Variants in LRRC49 observed in about 807,000 individuals in gnomAD.
The protein encoded by LRRC49 is leucine-rich repeat-containing protein 49.
A neutral mutation model predicts 83.3 loss-of-function variants in LRRC49; 50 were observed. That is an observed-to-expected ratio of 0.60 (90% CI 0.48 to 0.76). LRRC49 has a LOEUF of 0.76. Among genes scored for constraint, LRRC49 ranks in the 30% least tolerant of loss-of-function variants. The pLI, the probability that LRRC49 is intolerant of heterozygous loss-of-function variation, is 0.00. For synonymous variants in LRRC49, 286 were observed against 283.3 expected (o/e 1.01, Z -0.10); for missense variants, 704 against 809.1 (o/e 0.87, Z 1.58).
intron 11 of LRRC49, among the ~76,000 whole-genome samples, chr15:70,989,192 G>A (rs1005314294): frequency 5.8e-4 from 88 of 152,196 alleles, no homozygotes; most frequent in African/African-American, 2.0e-3. Context: ...CTGCCTTGCT[G>A]GATTGGGAAA....
intron 1 of LRRC49, among the ~76,000 whole-genome samples, chr15:70,871,059 T>C (rs1329098257): frequency 1.3e-5 from 2 of 151,794 alleles, no homozygotes; most frequent in East Asian, 3.9e-4. Context: ...GATAAACATG[T>C]GAACAAGGGT....
chr15:70,912,316 T>C (rs1198876700), intron 6 of LRRC49, among the ~76,000 whole-genome samples: 1 of 152,178 alleles, frequency 6.6e-6, no homozygotes, highest in Non-Finnish European at 1.5e-5. Flanking sequence ...CTAAGAACTT[T>C]CTTGTACAAG....
chr15:70,875,697 T>C (rs776660244), intron 2 of LRRC49, among the ~76,000 whole-genome samples: 1 of 152,224 alleles, frequency 6.6e-6, no homozygotes, highest in African/African-American at 2.4e-5. Context: ...ATGTTGTAGG[T>C]ACTAAAATCA....
upstream of LRRC49, among the ~76,000 whole-genome samples, chr15:70,890,236 ATC>A (rs2033517437): frequency 6.6e-6 from 1 of 152,132 alleles, no homozygotes; most frequent in Non-Finnish European, 1.5e-5. Context: ...TTTAGTATTT[ATC>A]TCTCTTGCTA....
At chr15:70,861,091 C>T (rs1451522699) in intron 1 of LRRC49, among the ~76,000 whole-genome samples, 1 of 152,194 alleles carries the variant, frequency 6.6e-6, no homozygotes, top group Non-Finnish European at 1.5e-5. Context: ...AAGAATCTCA[C>T]ACTTTGTCTA....
intron 14 of LRRC49, among the ~76,000 whole-genome samples, chr15:71,030,183 C>T (rs1360450412): frequency 6.6e-6 from 1 of 151,916 alleles, no homozygotes; most frequent in African/African-American, 2.4e-5. Context: ...ATATTTAGTG[C>T]TTTCTTTAGG....
At chr15:70,870,945 G>GTTT (rs71281973) in intron 1 of LRRC49, among the ~76,000 whole-genome samples, 71 of 88,684 alleles carry the variant, frequency 8.0e-4, no homozygotes, top group African/African-American at 2.1e-3. Flanking sequence ...GCCATGCTTA[G>GTTT]TTTTTTTTTT....
rs1379566626 is a variant in LRRC49, at chr15:70,892,920, T to C, written c.26T>C (p.Val9Ala). 9 of 1,614,106 alleles carry C rather than the reference T, an allele frequency of 5.6e-6. No individual in the cohort carries two copies. Among genetic ancestry groups the C allele is most frequent in the African/African-American group, 1.3e-5 (1 of 74,940 alleles). The change falls in exon 1 of 16, where the codon GTT becomes GCT. Residue 9 changes from valine (V) to alanine (A), a missense_variant. By Grantham distance (64) the Val-to-Ala change is moderately conservative. Transcript: ENST00000260382. ...ATGATTCCCGGGAAATATCGCTCTG[T>C]TTCTGGCCGGGCTGCGAACAACGTA... is the stretch of plus-strand genomic sequence containing the variant. MIPGKYRSVSGRAANNVNC... is the reference protein window; with the variant it reads MIPGKYRSASGRAANNVNC...
At chr15:70,984,850 G>T (rs1420991271) in intron 11 of LRRC49, among the ~76,000 whole-genome samples, 1 of 145,416 alleles carries the variant, frequency 6.9e-6, no homozygotes, top group East Asian at 2.1e-4. Context: ...TCATTGTTCA[G>T]TTCCCACCTA....
intron 14 of LRRC49, among the ~76,000 whole-genome samples, chr15:71,026,986 CT>C (rs1274729389): frequency 6.6e-6 from 1 of 152,170 alleles, no homozygotes; most frequent in African/African-American, 2.4e-5. Context: ...GTTGCCATTG[CT>C]TTTCATGTTT....
intron 14 of LRRC49, among the ~76,000 whole-genome samples, chr15:71,030,503 C>T (rs2039316390): frequency 6.6e-6 from 1 of 152,052 alleles, no homozygotes; most frequent in African/African-American, 2.4e-5. Context: ...CTTGGGGTTG[C>T]TCTTCTTGAG....
chr15:70,855,860 G>A (rs150074600), intron 1 of LRRC49, among the ~76,000 whole-genome samples: 2 of 152,344 alleles, frequency 1.3e-5, no homozygotes, highest in East Asian at 3.9e-4. Flanking sequence ...CCAGCCAGCT[G>A]TGCCTCCCTC....
At chr15:70,890,780 G>C (rs2141091884), upstream of LRRC49, among the ~76,000 whole-genome samples, 1 of 152,316 alleles carries the variant, frequency 6.6e-6, no homozygotes, top group South Asian at 2.1e-4. Flanking sequence ...CAACAACTGA[G>C]CAAAGTCTTG....
At chr15:71,005,556 T>C (rs2038427067) in intron 11 of LRRC49, among the ~76,000 whole-genome samples, 1 of 152,164 alleles carries the variant, frequency 6.6e-6, no homozygotes, top group African/African-American at 2.4e-5. Flanking sequence ...CCCATGTGTT[T>C]ATTAGGTTGA....
intron 7 of LRRC49, among the ~76,000 whole-genome samples, chr15:70,922,634 C>G (rs1327684266): frequency 1.3e-5 from 2 of 151,782 alleles, no homozygotes; most frequent in Admixed American, 6.6e-5. Flanking sequence ...TGACTATAGT[C>G]AATAATAAAT....
At chr15:70,915,256 T>A (rs1446854773) in intron 6 of LRRC49, among the ~76,000 whole-genome samples, 1 of 152,234 alleles carries the variant, frequency 6.6e-6, no homozygotes, top group Admixed American at 6.5e-5. Context: ...AATATGGGTC[T>A]ATATACAAGA....
At chr15:71,035,553 G>A (rs2039492633) in intron 14 of LRRC49, among the ~76,000 whole-genome samples, 1 of 151,980 alleles carries the variant, frequency 6.6e-6, no homozygotes, top group Admixed American at 6.6e-5. Flanking sequence ...ATGTCCATGT[G>A]TTCTCATTGT....
intron 1 of LRRC49, among the ~76,000 whole-genome samples, chr15:70,864,561 T>C (rs555398923): frequency 2.6e-5 from 4 of 152,312 alleles, no homozygotes; most frequent in Non-Finnish European, 5.9e-5. Context: ...GAATTTCTCT[T>C]AGTTTATCTG....
intron 7 of LRRC49, among the ~76,000 whole-genome samples, chr15:70,927,372 G>A (rs1427247920): frequency 6.6e-6 from 1 of 151,844 alleles, no homozygotes; most frequent in Non-Finnish European, 1.5e-5. Context: ...TCTAGATGCA[G>A]GTCCTTTGTT....
Sources: gnomAD v4.1 joint callset for allele counts (sites outside exome capture counted in the v4.1 genomes callset) on GRCh38, gnomAD v4.1.1 for gene constraint, MANE v1.5 for transcripts, NCBI Gene and HGNC (gene_info 2026-07-23, HGNC 2026-07-21) for gene names.